The following CSAD variants were observed in gnomAD, a reference collection of about 807,000 sequenced individuals.
CSAD encodes the protein cysteine sulfinic acid decarboxylase, also known as P-selectin cytoplasmic tail-associated protein.
A neutral mutation model predicts 61.5 loss-of-function variants in CSAD; 47 were observed. The ratio of observed to expected loss-of-function variants is 0.76; its 90% confidence interval spans 0.60 to 0.97. The LOEUF is 0.97. Ranked by LOEUF, CSAD falls within the 50% of genes least tolerant of loss-of-function variation. CSAD has a pLI of 0.00. For missense variants in CSAD, 611 were observed against 643.6 expected (o/e 0.95, Z 0.55); for synonymous variants, 245 against 252.7 (o/e 0.97, Z 0.29).
In CSAD at chr12:53,173,379, T is replaced by C. The variant is rs780411731; in HGVS notation, c.92A>G (p.Glu31Gly). The C allele has an allele frequency of 6.2e-7, 1 of 1,614,168 alleles. No homozygotes were observed. Among genetic ancestry groups the C allele is most frequent in the South Asian group, 1.1e-5 (1 of 91,088 alleles). The change falls in exon 4 of 17, where the codon GAG becomes GGG. Residue 31 changes from glutamate to glycine, a missense_variant. Transcript: ENST00000444623. ...GACACTGGTTCCTTTCTGAATGGCC[T>C]CATCCACAACAACCCCAAACACGGC... ...LRAVFGVVVD[E>G]AIQKGTSVSQ...
chr12:53,172,341 C>G lies in CSAD; in HGVS notation c.344+5G>C. The stretch of plus-strand genomic sequence containing the variant: ...GGGATGGTAGAGGGGCCTTGGGATG[C>G]TCACTGGCTGGTGTTGAGGCTCTCA... On this transcript the variant is annotated splice_donor_5th_base_variant and intron_variant, in intron 6 of 16. Transcript: ENST00000444623. The G allele has an allele frequency of 6.2e-7, 1 of 1,612,874 alleles. No homozygotes were observed.
chr12:53,170,549 G>C (rs971404801), intron 8 of CSAD, 47 bp from the exon 9 acceptor site: 2 of 1,454,050 alleles, frequency 1.4e-6, no homozygotes, highest in African/African-American at 2.8e-5. Flanking sequence ...GATGGGGGAG[G>C]GGAGAGAAGG....
At position 53,170,114 on chromosome 12, in the gene CSAD, G is replaced by C; in HGVS notation, c.660C>G (p.Val220=). 6.2e-7 allele frequency: 1 copy of C among 1,613,998 alleles called. No homozygotes were observed. Among genetic ancestry groups the C allele is most frequent in the Non-Finnish European group, 8.5e-7 (1 of 1,179,962 alleles). Residue 220 remains valine, a synonymous_variant, in exon 10 of 17, where the codon GTC becomes GTG. Transcript: ENST00000444623. ...VVKADERGKM[V]PEDLERQIGM... ...CAATCTGCCTCTCCAGATCCTCGGG[G>C]ACCATTTTCCCTCTGAAAAAGAAAA...
chr12:53,170,484 T>C lies in CSAD; in HGVS notation c.586A>G (p.Lys196Glu). 2 of 1,613,912 alleles carry C rather than the reference T, an allele frequency of 1.2e-6. No individual in the cohort carries two copies. The highest frequency in any genetic ancestry group is 1.7e-6 in the Non-Finnish European group (2 of 1,179,952). ...CCAAGTCCCAGAAACGCAGCTCCCT[T>C]CTGGATGGAGTAGTGACACTGTGGG... ...TSKECHYSIQKGAAFLGLGTD... is the reference protein window; with the variant it reads ...TSKECHYSIQEGAAFLGLGTD... The change falls in exon 9 of 17, where the codon AAG becomes GAG. Residue 196 changes from lysine (K) to glutamate (E), a missense_variant. Transcript: ENST00000444623.
At chr12:53,179,670 CA>C (rs200549672) in intron 1 of CSAD, 47,801 of 786,448 alleles carry the variant, frequency 0.061, no homozygotes, top group South Asian at 0.076. Context: ...AATCTGTCTA[CA>C]AAAAAAAAAA....
At chr12:53,166,231 G>A (rs1939923515) in intron 10 of CSAD, 1 of 152,408 alleles carries the variant, frequency 6.6e-6, no homozygotes, top group Non-Finnish European at 1.5e-5. Context: ...TCAGGAGGCT[G>A]AGGCAGGAGA....
In CSAD at chr12:53,170,663, C is replaced by T. The variant is rs913452263; in HGVS notation, c.568-161G>A. Reference sequence around the variant, plus strand: ...CTGGGTGTCTGGTTAAAATGAAATGCAGGTTCTGGTCCACTAGGTCTGGGG... The same window carrying T: ...CTGGGTGTCTGGTTAAAATGAAATGTAGGTTCTGGTCCACTAGGTCTGGGG... On this transcript the variant is annotated intron_variant, in intron 8 of 16. Coordinates refer to ENST00000444623, the MANE Select transcript of CSAD (RefSeq NM_001244705.2). 31 of 644,758 alleles carry T rather than the reference C, an allele frequency of 4.8e-5. No homozygotes were observed. In the African/African-American group the frequency reaches 5.2e-4, roughly 11 times the overall value. The allele number at this position is 644,758 out of a possible 1,614,324, so 39.9% of individuals were successfully genotyped here.
intron 1 of CSAD, chr12:53,179,664 T>A: frequency 1.1e-6 from 1 of 929,180 alleles, no homozygotes; most frequent in Non-Finnish European, 1.7e-6. Flanking sequence ...AAATGAAATC[T>A]GTCTACAAAA....
chr12:53,170,639 T>C (rs1940451961), intron 8 of CSAD, 137 bp from the exon 9 acceptor site: 1 of 688,512 alleles, frequency 1.5e-6, no homozygotes, highest in Admixed American at 2.2e-5. Flanking sequence ...ACGAATCGCC[T>C]GGGTGTCTGG....
intron 14 of CSAD, 30 bp from the exon 15 acceptor site, chr12:53,159,968 G>T (rs376302073): frequency 3.1e-6 from 5 of 1,604,138 alleles, no homozygotes; most frequent in Non-Finnish European, 4.3e-6. Flanking sequence ...AACCATAGGC[G>T]GGGAGGAAAA....
intron 7 of CSAD, 165 bp from the exon 8 acceptor site, chr12:53,171,606 G>A: frequency 1.4e-6 from 1 of 698,960 alleles, no homozygotes. Flanking sequence ...TCCAGGATCA[G>A]CAGATCCTCT....
intron 10 of CSAD, chr12:53,166,201 G>A (rs996887618): frequency 1.1e-4 from 17 of 152,178 alleles, no homozygotes; most frequent in Non-Finnish European, 2.5e-4. Flanking sequence ...ATGGTGGTGC[G>A]CACCTGTAAC....
chr12:53,167,908 A>G (rs1940110884), intron 10 of CSAD, among the ~76,000 whole-genome samples: 1 of 152,238 alleles, frequency 6.6e-6, no homozygotes, highest in African/African-American at 2.4e-5. Context: ...ACGTATTTTC[A>G]CACAAAAATC....
In CSAD at chr12:53,157,751, T is replaced by C. The variant is rs1255982947; in HGVS notation, c.*760A>G. On this transcript the variant is annotated 3_prime_UTR_variant, in exon 17 of 17. Transcript: ENST00000444623. ...TAAAAGGGAGGGAGCTCAAAAGATATAAAGAAGTCTATGTTTTTTTTGTTT... is the reference window on the plus strand; with the variant it reads ...TAAAAGGGAGGGAGCTCAAAAGATACAAAGAAGTCTATGTTTTTTTTGTTT... The C allele has an allele frequency of 6.6e-6, 1 of 152,158 alleles. No homozygotes were observed. Among genetic ancestry groups the C allele is most frequent in the African/African-American group, 2.4e-5 (1 of 41,406 alleles). The allele number at this position is 152,158 out of a possible 1,614,324, so 9.4% of individuals were successfully genotyped here. A position where few individuals can be genotyped will look rare whatever the true frequency, so the allele number is the denominator to read the frequency against.
chr12:53,181,277 C>T, upstream of CSAD: 1 of 985,446 alleles, frequency 1.0e-6, no homozygotes, highest in Non-Finnish European at 1.2e-6. Context: ...AGTCCCGTTT[C>T]TGCCCGCCAC....
Position 53,161,358 on chromosome 12 carries a change from G to A in CSAD, c.734C>T (p.Ser245Phe), listed in dbSNP as rs1939260806. 6.2e-7 allele frequency: 1 copy of A among 1,613,896 alleles called. No individual in the cohort carries two copies. The highest frequency in any genetic ancestry group is 8.5e-7 in the Non-Finnish European group (1 of 1,179,966). ...GAVPFLVSAT[S>F]GTTVLGAFDP... ...AAAGGCCCCTAGCACAGTGGTGCCA[G>A]AGGTGGCACTGACCAGGAACGGCAC... Residue 245 changes from serine to phenylalanine, a missense_variant, in exon 11 of 17, where the codon TCT becomes TTT. Ser to Phe is a radical substitution (Grantham distance 155, BLOSUM62 -2). Coordinates refer to ENST00000444623, the MANE Select transcript of CSAD (RefSeq NM_001244705.2).
intron 1 of CSAD, chr12:53,179,755 G>T: frequency 6.3e-7 from 1 of 1,584,478 alleles, no homozygotes; most frequent in Non-Finnish European, 8.6e-7. Flanking sequence ...TTCTCCTAAA[G>T]TCACGACATA....
chr12:53,171,564 C>T lies in CSAD; in HGVS notation c.452-123G>A, dbSNP rs1046223698. On this transcript the variant is annotated intron_variant, in intron 7 of 16. Transcript: ENST00000444623. ...GCAGGTATGACTGGCTCCCAGGCCA[C>T]AATTCTCAGGATCATACCATCCCAG... is the stretch of plus-strand genomic sequence containing the variant. 2.7e-5 allele frequency: 24 copies of T among 900,268 alleles called. No homozygotes were observed. The Middle Eastern group carries it at 1.9e-3, about 73-fold the overall frequency. The allele number at this position is 900,268 out of a possible 1,614,324, so 55.8% of individuals were successfully genotyped here. A position where few individuals can be genotyped will look rare whatever the true frequency, so the allele number is the denominator to read the frequency against.
intron 10 of CSAD, 81 bp from the exon 11 acceptor site, chr12:53,161,470 G>A (rs1939272780): frequency 1.7e-6 from 2 of 1,176,082 alleles, no homozygotes; most frequent in African/African-American, 1.5e-5. Context: ...CCAGCTCTAA[G>A]CTCTTTGCAT....
Sources: gnomAD v4.1 joint callset for allele counts (sites outside exome capture counted in the v4.1 genomes callset) on GRCh38, gnomAD v4.1.1 for gene constraint, MANE v1.5 for transcripts, NCBI Gene and HGNC (gene_info 2026-07-23, HGNC 2026-07-21) for gene names.